The following PKNOX2 variants were observed in gnomAD, a reference collection of about 807,000 sequenced individuals.
The protein encoded by PKNOX2 is homeobox protein PKNOX2.
A neutral mutation model predicts 53.1 loss-of-function variants in PKNOX2; 14 were observed. The observed-to-expected ratio is 0.26, with a 90% CI of 0.17 to 0.41. The LOEUF (loss-of-function observed/expected upper bound fraction) is 0.41. PKNOX2 is among the 10% of genes least tolerant of loss of function. The pLI is 1.00. For synonymous variants in PKNOX2, 257 were observed against 242.8 expected, an observed-to-expected ratio of 1.06 and a Z score of -0.54; for missense variants, 496 against 602.8, an observed-to-expected ratio of 0.82 and a Z score of 1.85.
intron 2 of PKNOX2, among the ~76,000 whole-genome samples, chr11:125,278,435 T>G (rs938447048): frequency 2.0e-5 from 3 of 152,058 alleles, no homozygotes; most frequent in African/African-American, 7.2e-5. Context: ...CCAAAGGCAG[T>G]GGGAGCAGCC....
chr11:125,431,053 A>T, intron 12 of PKNOX2, 113 bp from the exon 13 acceptor site: 1 of 1,466,342 alleles, frequency 6.8e-7, no homozygotes, highest in Non-Finnish European at 9.0e-7. Context: ...GACAGCTCTA[A>T]AAACAAGGAG....
intron 2 of PKNOX2, among the ~76,000 whole-genome samples, chr11:125,311,902 TC>T (rs1320506993): frequency 6.6e-6 from 1 of 152,144 alleles, no homozygotes; most frequent in Non-Finnish European, 1.5e-5. Context: ...GAGCTTAGAA[TC>T]AAAACATCTG....
intron 2 of PKNOX2, among the ~76,000 whole-genome samples, chr11:125,263,419 G>A (rs1187470440): frequency 6.6e-6 from 1 of 152,210 alleles, no homozygotes; most frequent in East Asian, 1.9e-4. Context: ...TGCTGGCGAC[G>A]GCTCCAGCCC....
intron 4 of PKNOX2, among the ~76,000 whole-genome samples, chr11:125,364,386 T>C (rs1952076754): frequency 6.6e-6 from 1 of 152,228 alleles, no homozygotes; most frequent in Non-Finnish European, 1.5e-5. Context: ...AGCTGGGGCC[T>C]CTTGGAACAC....
chr11:125,359,105 G>A lies in PKNOX2; in HGVS notation c.87+7713G>A, dbSNP rs533942188. On this transcript the variant is annotated intron_variant, in intron 4 of 12. Transcript: ENST00000298282. ...CAAAGGCAGGAAGGTAGACACCATC[G>A]GAAAGGCAGGAAGGTGGACACCATC... is the stretch of plus-strand genomic sequence containing the variant. Among the ~76,000 whole-genome samples, 9 of 146,660 alleles carry A rather than the reference G, an allele frequency of 6.1e-5. No individual in the cohort carries two copies. In the South Asian group the frequency reaches 8.3e-4, roughly 14 times the overall value.
intron 1 of PKNOX2, among the ~76,000 whole-genome samples, chr11:125,214,954 C>T (rs1302762144): frequency 1.3e-5 from 2 of 151,986 alleles, no homozygotes; most frequent in Admixed American, 6.6e-5. Context: ...CAGGGGCCTG[C>T]GGGGTCAGGG....
chr11:125,343,396 T>TC (rs2136167218), intron 3 of PKNOX2, among the ~76,000 whole-genome samples: 2 of 152,208 alleles, frequency 1.3e-5, no homozygotes, highest in East Asian at 3.9e-4. Flanking sequence ...CTTTTTTTTT[T>TC]CTGTTTTTTG....
chr11:125,378,506 G>T (rs1470690751), intron 5 of PKNOX2, among the ~76,000 whole-genome samples: 1 of 152,220 alleles, frequency 6.6e-6, no homozygotes, highest in Non-Finnish European at 1.5e-5. Flanking sequence ...CAGGGATGGG[G>T]TGGGCACTGA....
chr11:125,188,462 G>T (rs367943522), intron 1 of PKNOX2, among the ~76,000 whole-genome samples: 2 of 152,224 alleles, frequency 1.3e-5, no homozygotes, highest in African/African-American at 4.8e-5. Context: ...ATGGTAAAAA[G>T]GTTGTGAGCC....
At chr11:125,406,388 G>A (rs986304441) in intron 7 of PKNOX2, among the ~76,000 whole-genome samples, 3 of 152,194 alleles carry the variant, frequency 2.0e-5, no homozygotes, top group Admixed American at 6.5e-5. Context: ...GAGACATGTA[G>A]CCAGGTTTGC....
chr11:125,198,771 A>ACTCCCTCACCT lies in PKNOX2; in HGVS notation c.-201+34010_-201+34020dup, dbSNP rs541925937. 2.4e-3 allele frequency among the ~76,000 whole-genome samples: 342 copies of ACTCCCTCACCT among 140,206 alleles called. 3 individuals carry two copies. The highest frequency in any genetic ancestry group is 8.8e-3 in the African/African-American group (328 of 37,226). The allele number at this position is 140,206 out of a possible 152,430, so 92.0% of individuals were successfully genotyped here. On this transcript the variant is annotated intron_variant, in intron 1 of 12. Coordinates refer to ENST00000298282, the MANE Select transcript of PKNOX2 (RefSeq NM_001382323.2). ...GATTTTTTGTTCTTTTGCAGATTCTACTCCCTCACCTCTCCCTCACCTCTC... is the reference window on the plus strand; with the variant it reads ...GATTTTTTGTTCTTTTGCAGATTCTACTCCCTCACCTCTCCCTCACCTCTCCCTCACCTCTC...
At chr11:125,265,286 CAA>C (rs200547805) in intron 2 of PKNOX2, among the ~76,000 whole-genome samples, 6 of 139,706 alleles carry the variant, frequency 4.3e-5, no homozygotes, top group Non-Finnish European at 9.4e-5. Context: ...GACTCTGTCT[CAA>C]AAAAAAAAAA....
intron 2 of PKNOX2, among the ~76,000 whole-genome samples, chr11:125,242,978 T>G (rs980513460): frequency 6.6e-6 from 1 of 152,222 alleles, no homozygotes; most frequent in Non-Finnish European, 1.5e-5. Context: ...TTTACTTAGC[T>G]GGGAACTTGG....
intron 2 of PKNOX2, among the ~76,000 whole-genome samples, chr11:125,268,913 G>A (rs113273320): frequency 7.3e-6 from 1 of 136,640 alleles, no homozygotes; most frequent in African/African-American, 2.8e-5. Flanking sequence ...GACAGCAATG[G>A]CTTCTCATAG....
intron 1 of PKNOX2, among the ~76,000 whole-genome samples, chr11:125,167,564 A>G (rs1278303338): frequency 6.6e-6 from 1 of 152,216 alleles, no homozygotes; most frequent in Admixed American, 6.5e-5. Flanking sequence ...AATAAGGGGC[A>G]GGGGGTTACC....
At chr11:125,411,944 G>A in intron 10 of PKNOX2, 79 bp downstream of exon 10, 1 of 1,591,630 alleles carries the variant, frequency 6.3e-7, no homozygotes, top group South Asian at 1.1e-5. Flanking sequence ...AGACTCTGCT[G>A]TCGGCTCCAA....
intron 5 of PKNOX2, among the ~76,000 whole-genome samples, chr11:125,383,202 T>C (rs906261122): frequency 2.0e-5 from 3 of 152,210 alleles, no homozygotes; most frequent in Non-Finnish European, 4.4e-5. Flanking sequence ...ATGGACAGGC[T>C]CCTAGGGGTT....
intron 2 of PKNOX2, among the ~76,000 whole-genome samples, chr11:125,307,053 CT>C: frequency 6.6e-6 from 1 of 152,306 alleles, no homozygotes; most frequent in South Asian, 2.1e-4. Flanking sequence ...CTCAGCTTGT[CT>C]TTTTGCTATT....
intron 5 of PKNOX2, among the ~76,000 whole-genome samples, chr11:125,385,084 C>G (rs542965534): frequency 6.0e-4 from 91 of 152,286 alleles, no homozygotes; most frequent in Non-Finnish European, 1.1e-3. Context: ...CACTTGCAAG[C>G]ACACAAGTGT....
Sources: gnomAD v4.1 joint callset for allele counts (sites outside exome capture counted in the v4.1 genomes callset) on GRCh38, gnomAD v4.1.1 for gene constraint, MANE v1.5 for transcripts, NCBI Gene and HGNC (gene_info 2026-07-23, HGNC 2026-07-21) for gene names.